Variants in NCAPH observed in about 807,000 individuals in gnomAD.
NCAPH encodes non-SMC condensin I complex subunit H, also known as condensin complex subunit 2.
In NCAPH, 38 loss-of-function variants were observed where a neutral mutation model predicts 85.5. The observed-to-expected ratio is 0.44, with a 90% CI of 0.34 to 0.58. NCAPH has a LOEUF of 0.58. Among genes scored for constraint, NCAPH ranks in the 20% least tolerant of loss-of-function variants. NCAPH has a pLI of 0.01. For synonymous variants in NCAPH, 301 were observed against 335.1 expected, an observed-to-expected ratio of 0.90 and a Z score of 1.11; for missense variants, 789 against 916.6, an observed-to-expected ratio of 0.86 and a Z score of 1.80.
chr2:96,374,359 A>C lies in NCAPH; in HGVS notation c.*1008A>C, dbSNP rs72939630. ...TCTCCACAGAATGCAGCACACACAC[A>C]AATGTACAAGTTCTTCCCCTAACCT... On this transcript the variant is annotated 3_prime_UTR_variant, in exon 18 of 18. Transcript: ENST00000240423. Among the ~76,000 whole-genome samples the C allele has an allele frequency of 7.7e-4, 117 of 152,288 alleles. No individual in the cohort carries two copies. The highest frequency in any genetic ancestry group is 2.6e-3 in the African/African-American group (109 of 41,544).
At chr2:96,338,401 T>C (rs2064244862) in intron 1 of NCAPH, among the ~76,000 whole-genome samples, 2 of 152,186 alleles carry the variant, frequency 1.3e-5, no homozygotes, top group East Asian at 1.9e-4. Flanking sequence ...TTTGCCTGCT[T>C]GAGTACATTG....
chr2:96,346,934 T>C (rs141342313), intron 6 of NCAPH, among the ~76,000 whole-genome samples: 93 of 151,804 alleles, frequency 6.1e-4, no homozygotes, highest in African/African-American at 2.2e-3. Flanking sequence ...GATCAACATA[T>C]GGATATTGAA....
intron 1 of NCAPH, among the ~76,000 whole-genome samples, chr2:96,336,854 A>G (rs960422071): frequency 6.6e-6 from 1 of 152,226 alleles, no homozygotes; most frequent in Non-Finnish European, 1.5e-5. Context: ...TAGAAGCTGG[A>G]TAGAGAAGGA....
chr2:96,353,407 A>T lies in NCAPH; in HGVS notation c.1002+10A>T. ...TGAAACACATAATGAGGTGTGGTCAAGTTTTAGTGGCTCATGGTTTCAGTT... is the reference window on the plus strand; with the variant it reads ...TGAAACACATAATGAGGTGTGGTCATGTTTTAGTGGCTCATGGTTTCAGTT... On this transcript the variant is annotated intron_variant, in intron 8 of 17. Transcript: ENST00000240423. 5.6e-6 allele frequency: 9 copies of T among 1,610,952 alleles called. No homozygotes were observed. Among genetic ancestry groups the T allele is most frequent in the Non-Finnish European group, 7.6e-6 (9 of 1,177,118 alleles).
rs564015531 is a variant in NCAPH at position 96,377,081 on chromosome 2, A to G, written c.*3730A>G. On this transcript the variant is annotated 3_prime_UTR_variant, in exon 18 of 18. Transcript: ENST00000240423. ...ACTATTTAAAAAATAATAAAATTTTAAAAAATTGTCTTTATGTTGCCTTTT... is the reference window on the plus strand; with the variant it reads ...ACTATTTAAAAAATAATAAAATTTTGAAAAATTGTCTTTATGTTGCCTTTT... Among the ~76,000 whole-genome samples the G allele has an allele frequency of 6.6e-6, 1 of 151,422 alleles. No individual in the cohort carries two copies. Among genetic ancestry groups the G allele is most frequent in the Non-Finnish European group, 1.5e-5 (1 of 67,870 alleles).
Position 96,359,028 on chromosome 2 carries a change from A to G in NCAPH, c.1209-17A>G. ...TATAATATATGTATTGTACATGTAC[A>G]AATATGTGTGTTACAGGGAAGAAAT... On this transcript the variant is annotated splice_polypyrimidine_tract_variant and intron_variant, in intron 9 of 17. Transcript: ENST00000240423. The G allele has an allele frequency of 6.2e-7, 1 of 1,613,022 alleles. No homozygotes were observed. Among genetic ancestry groups the G allele is most frequent in the Non-Finnish European group, 8.5e-7 (1 of 1,179,140 alleles).
intron 2 of NCAPH, 63 bp downstream of exon 2, chr2:96,341,957 A>AG: frequency 6.2e-7 from 1 of 1,605,368 alleles, no homozygotes; most frequent in Non-Finnish European, 8.5e-7. Context: ...GCGTAGGTCC[A>AG]GGCATCTCCA....
At position 96,341,784 on chromosome 2, in the gene NCAPH, C is replaced by G. The variant is rs2064298403; in HGVS notation, c.162C>G (p.Asp54Glu). The G allele has an allele frequency of 2.5e-6, 4 of 1,614,182 alleles. No homozygotes were observed. The highest frequency in any genetic ancestry group is 3.4e-6 in the Non-Finnish European group (4 of 1,180,042). Residue 54 changes from aspartate (D) to glutamate (E), a missense_variant, in exon 2 of 18, where the codon GAC becomes GAG. Transcript: ENST00000240423. ...LNIPGTPVLEDFPQNDDEKER... is the reference protein window; with the variant it reads ...LNIPGTPVLEEFPQNDDEKER... ...TTCCTGGCACCCCAGTCCTCGAAGA[C>G]TTTCCTCAGAATGACGATGAGAAGG...
intron 17 of NCAPH, among the ~76,000 whole-genome samples, chr2:96,371,676 G>A (rs1216005633): frequency 6.6e-6 from 1 of 152,200 alleles, no homozygotes; most frequent in African/African-American, 2.4e-5. Context: ...TGAGCACCGA[G>A]GCCATTACTG....
In NCAPH at chr2:96,361,828, A is replaced by ATT. The variant is rs67427447; in HGVS notation, c.1587+1132_1587+1133dup. Among the ~76,000 whole-genome samples the ATT allele has an allele frequency of 1.8e-3, 192 of 107,964 alleles. 1 individual carries two copies. The highest frequency in any genetic ancestry group is 6.4e-3 in the East Asian group (26 of 4,088). The allele number at this position is 107,964 out of a possible 152,430, so 70.8% of individuals were successfully genotyped here. A position where few individuals can be genotyped will look rare whatever the true frequency, so the allele number is the denominator to read the frequency against. On this transcript the variant is annotated intron_variant, in intron 12 of 17. Coordinates refer to ENST00000240423, the MANE Select transcript of NCAPH (RefSeq NM_015341.5). ...TGTGTATATATATATATATATATATATTTTTTTTTTTTTTTCCCTGAATTG... is the reference window on the plus strand; with the variant it reads ...TGTGTATATATATATATATATATATATTTTTTTTTTTTTTTTTCCCTGAATTG...
chr2:96,359,303 A>G, intron 10 of NCAPH, 110 bp downstream of exon 10: 3 of 1,378,448 alleles, frequency 2.2e-6, no homozygotes, highest in South Asian at 2.7e-5. Context: ...GTGTCTCTTA[A>G]TAAGCCGAGG....
At chr2:96,350,707 T>C (rs2064428749) in intron 6 of NCAPH, among the ~76,000 whole-genome samples, 1 of 152,158 alleles carries the variant, frequency 6.6e-6, no homozygotes, top group African/African-American at 2.4e-5. Context: ...CGGCAGGAGC[T>C]GAACCTCAGT....
At position 96,373,275 on chromosome 2, in the gene NCAPH, T is replaced by C. The variant is rs1399699481; in HGVS notation, c.2167-17T>C. 6.2e-7 allele frequency: 1 copy of C among 1,608,168 alleles called. No individual in the cohort carries two copies. The highest frequency in any genetic ancestry group is 1.1e-5 in the South Asian group (1 of 90,830). On this transcript the variant is annotated splice_polypyrimidine_tract_variant and intron_variant, in intron 17 of 17. Transcript: ENST00000240423. ...CTCCGTATACCAAAGTCCATGCATGTTTTGGTCTTCCCTCAGAATCTAAAA... is the reference window on the plus strand; with the variant it reads ...CTCCGTATACCAAAGTCCATGCATGCTTTGGTCTTCCCTCAGAATCTAAAA...
chr2:96,341,430 C>T (rs536734186), intron 1 of NCAPH: 1 of 569,378 alleles, frequency 1.8e-6, no homozygotes, highest in Non-Finnish European at 3.0e-6. Flanking sequence ...ATATTTGTCC[C>T]AGATTAACAA....
Position 96,360,171 on chromosome 2 carries a change from A to G in NCAPH, c.1386A>G (p.Lys462=). 1 of 1,591,334 alleles carries G rather than the reference A, an allele frequency of 6.3e-7. No individual in the cohort carries two copies. The highest frequency in any genetic ancestry group is 8.6e-7 in the Non-Finnish European group (1 of 1,161,504). ...ATGCTCCTTCCCAATCAGAAAACAAAAAGAAGAGTACAAAAAAAGATTTTG... is the reference window on the plus strand; with the variant it reads ...ATGCTCCTTCCCAATCAGAAAACAAGAAGAAGAGTACAAAAAAAGATTTTG... The part of the protein sequence containing the change: ...KQDAPSQSEN[K]KKSTKKDFEI... The change falls in exon 11 of 18, where the codon AAA becomes AAG. Residue 462 remains lysine, a synonymous_variant. Transcript: ENST00000240423.
chr2:96,344,676 G>C (rs188273518), intron 6 of NCAPH, among the ~76,000 whole-genome samples: 41 of 152,278 alleles, frequency 2.7e-4, no homozygotes, highest in Admixed American at 2.7e-3. Context: ...AAGTGAGCTA[G>C]AAGTTGAAGC....
intron 1 of NCAPH, among the ~76,000 whole-genome samples, chr2:96,337,576 C>T (rs949141240): frequency 1.3e-5 from 2 of 152,162 alleles, no homozygotes; most frequent in African/African-American, 2.4e-5. Context: ...CCTGCCACCA[C>T]GCCCAGCTAA....
Position 96,343,250 on chromosome 2 carries a change from G to A in NCAPH, c.541G>A (p.Gly181Arg), listed in dbSNP as rs761829726. ...CCATGCCGATGTATACAGAGTCCTT[G>A]GGGGGCTGGGCAAAGATGCACCGTC... ...AVHADVYRVL[G>R]GLGKDAPSLE... Residue 181 changes from glycine (G) to arginine (R), a missense_variant, in exon 5 of 18, where the codon GGG (glycine) becomes AGG (arginine). Coordinates refer to ENST00000240423, the MANE Select transcript of NCAPH (RefSeq NM_015341.5). The A allele has an allele frequency of 1.9e-6, 3 of 1,613,680 alleles. No homozygotes were observed. Among genetic ancestry groups the A allele is most frequent in the African/African-American group, 2.7e-5 (2 of 74,914 alleles).
At position 96,369,643 on chromosome 2, in the gene NCAPH, A is replaced by AG. The variant is rs1416552662; in HGVS notation, c.2166+144dup. The AG allele has an allele frequency of 3.7e-6, 3 of 807,920 alleles. No individual in the cohort carries two copies. The African/African-American group carries it at 5.1e-5, about 14-fold the overall frequency. 50.0% of individuals were successfully genotyped at this position (807,920 alleles called of 1,614,324 possible). A position where few individuals can be genotyped will look rare whatever the true frequency, so the allele number is the denominator to read the frequency against. On this transcript the variant is annotated intron_variant, in intron 17 of 17. Transcript: ENST00000240423. Reference sequence around the variant, plus strand: ...TGTAGCACCTTCAACCCAAATGATTAGCCAGGCATCTAGAAGTAACTTAGG... The same window carrying AG: ...TGTAGCACCTTCAACCCAAATGATTAGGCCAGGCATCTAGAAGTAACTTAGG...
Sources: gnomAD v4.1 joint callset for allele counts (sites outside exome capture counted in the v4.1 genomes callset) on GRCh38, gnomAD v4.1.1 for gene constraint, MANE v1.5 for transcripts, NCBI Gene and HGNC (gene_info 2026-07-23, HGNC 2026-07-21) for gene names.